TLL1: variants seen among roughly 807,000 people sequenced by gnomAD.
TLL1 encodes tolloid-like protein 1.
TLL1 carries 49 observed loss-of-function variants against 128.2 expected under a neutral mutation model. The ratio of observed to expected loss-of-function variants is 0.38; its 90% confidence interval spans 0.30 to 0.48. The LOEUF (loss-of-function observed/expected upper bound fraction) is 0.48. TLL1 is among the 20% of genes least tolerant of loss of function. The pLI is 0.96. For synonymous variants in TLL1, 454 were observed against 418.8 expected, an observed-to-expected ratio of 1.08 and a Z score of -1.03; for missense variants, 1,123 against 1,242.0, an observed-to-expected ratio of 0.90 and a Z score of 1.44.
intron 6 of TLL1, among the ~76,000 whole-genome samples, chr4:166,003,960 A>G (rs1306262916): frequency 2.0e-5 from 3 of 152,052 alleles, no homozygotes; most frequent in Non-Finnish European, 4.4e-5. Flanking sequence ...GGTTTGCCAT[A>G]ACACGTGCTG....
At chr4:165,897,994 G>A (rs186783264) in intron 1 of TLL1, among the ~76,000 whole-genome samples, 1 of 152,256 alleles carries the variant, frequency 6.6e-6, no homozygotes, top group Non-Finnish European at 1.5e-5. Flanking sequence ...TGTAGCAATT[G>A]TGAATGGGAG....
Position 166,077,987 on chromosome 4 carries a change from G to T in TLL1, c.2399G>T (p.Cys800Phe). 2 of 1,613,710 alleles carry T rather than the reference G, an allele frequency of 1.2e-6. No individual in the cohort carries two copies. Among genetic ancestry groups the T allele is most frequent in the Non-Finnish European group, 8.5e-7 (1 of 1,179,776 alleles). ...GACAAGTACCCAAGCAGGAAAGAAT[G>T]CACTTGGGAAATCAGCGCCACTCCT... ...WPDKYPSRKE[C>F]TWEISATPGH... The change falls in exon 18 of 21, where the codon TGC (cysteine) becomes TTC (phenylalanine). Residue 800 changes from cysteine (C) to phenylalanine (F), a missense_variant. By Grantham distance (205) the Cys-to-Phe change is radical. Coordinates refer to ENST00000061240, the MANE Select transcript of TLL1 (RefSeq NM_012464.5).
At chr4:165,934,441 C>T (rs982787967) in intron 1 of TLL1, among the ~76,000 whole-genome samples, 1 of 152,150 alleles carries the variant, frequency 6.6e-6, no homozygotes, top group Admixed American at 6.5e-5. Flanking sequence ...AAACTGACTA[C>T]ATTTATCCTG....
rs377042841 is a variant in TLL1 at position 165,992,817 on chromosome 4, C to A, written c.294C>A (p.Asp98Glu). Residue 98 changes from aspartate (D) to glutamate (E), a missense_variant, in exon 3 of 21, where the codon GAC becomes GAA. By Grantham distance (45) the Asp-to-Glu change is conservative. This residue lies in a region of TLL1 where 480 missense variants were observed against 542.4 expected (regional missense o/e 0.89). Coordinates refer to ENST00000061240, the MANE Select transcript of TLL1 (RefSeq NM_012464.5). ...NLGHTTGGLG[D>E]HAMSKKRGAL... is the part of the protein sequence containing the mutation. ...TTATTCTTTAAGGTGGACTTGGAGA[C>A]CATGCTATGTCAAAGAAGCGAGGGG... The A allele has an allele frequency of 1.9e-6, 3 of 1,613,066 alleles. No individual in the cohort carries two copies. Among genetic ancestry groups the A allele is most frequent in the African/African-American group, 2.7e-5 (2 of 74,870 alleles).
rs114484342 is a variant in TLL1 at position 166,076,785 on chromosome 4, A to G, written c.2315-1118A>G. Reference sequence around the variant, plus strand: ...TGTCTTGCTACCATAATCATAGATTATTAGACAGGAACTGAATTTTACCTT... The same window carrying G: ...TGTCTTGCTACCATAATCATAGATTGTTAGACAGGAACTGAATTTTACCTT... On this transcript the variant is annotated intron_variant, in intron 17 of 20. Transcript: ENST00000061240. Among the ~76,000 whole-genome samples, 337 of 152,320 alleles carry G rather than the reference A, an allele frequency of 2.2e-3. 2 individuals are homozygous for G. The highest frequency in any genetic ancestry group is 7.6e-3 in the African/African-American group (314 of 41,584).
At chr4:165,891,114 G>A (rs1731382705) in intron 1 of TLL1, among the ~76,000 whole-genome samples, 1 of 152,082 alleles carries the variant, frequency 6.6e-6, no homozygotes, top group Non-Finnish European at 1.5e-5. Context: ...CGGTTCAGAT[G>A]CAAGTCACTA....
chr4:165,928,991 AT>A (rs1433792179), intron 1 of TLL1, among the ~76,000 whole-genome samples: 1 of 152,184 alleles, frequency 6.6e-6, no homozygotes, highest in Non-Finnish European at 1.5e-5. Flanking sequence ...TGCTGATTTA[AT>A]TCACAAACTC....
intron 12 of TLL1, among the ~76,000 whole-genome samples, chr4:166,054,861 T>C (rs1739929253): frequency 6.6e-6 from 1 of 152,044 alleles, no homozygotes; most frequent in African/African-American, 2.4e-5. Flanking sequence ...TACTGTTTCA[T>C]AGTTATTTTT....
At chr4:166,099,128 G>A (rs911138480) in intron 19 of TLL1, 149 bp from the exon 20 acceptor site, 38 of 1,275,140 alleles carry the variant, frequency 3.0e-5, no homozygotes, top group South Asian at 2.3e-4. Flanking sequence ...GACACTATCT[G>A]ACTCTCCAGT....
chr4:165,906,796 C>A (rs931416770), intron 1 of TLL1, among the ~76,000 whole-genome samples: 45 of 146,564 alleles, frequency 3.1e-4, no homozygotes, highest in African/African-American at 1.0e-3. Flanking sequence ...GGATAGTAGA[C>A]TACAGATCCT....
chr4:166,038,895 CATA>C (rs1017885962), intron 9 of TLL1, among the ~76,000 whole-genome samples: 1 of 152,068 alleles, frequency 6.6e-6, no homozygotes, highest in African/African-American at 2.4e-5. Context: ...TTATTTTTAA[CATA>C]ATTATAGATG....
chr4:166,013,341 T>C (rs981378684), intron 7 of TLL1, among the ~76,000 whole-genome samples: 1 of 151,880 alleles, frequency 6.6e-6, no homozygotes, highest in Non-Finnish European at 1.5e-5. Context: ...GTTTGTTTTA[T>C]TTACTGCTAC....
chr4:166,052,965 G>GTGTATATATATATATATA lies in TLL1; in HGVS notation c.1525-2110_1525-2109insGTATATATATATATATAT. Among the ~76,000 whole-genome samples, 884 of 99,620 alleles carry GTGTATATATATATATATA rather than the reference G, an allele frequency of 8.9e-3. 111 individuals are homozygous for GTGTATATATATATATATA. The highest frequency in any genetic ancestry group is 0.024 in the Middle Eastern group (5 of 210). The allele number at this position is 99,620 out of a possible 152,430, so 65.4% of individuals were successfully genotyped here. On this transcript the variant is annotated intron_variant, in intron 12 of 20. Transcript: ENST00000061240. ...TAAAGACTGAGATAAGAGGTTATGT[G>GTGTATATATATATATATA]TATATATATATATATATTTGGCCAA...
At position 165,916,329 on chromosome 4, in the gene TLL1, A is replaced by G. The variant is rs140658614; in HGVS notation, c.169+42256A>G. ...AAAACACACTAATACAGTATTTTAT[A>G]TTTTGACAGGCGTTGGGTGCATGCA... On this transcript the variant is annotated intron_variant, in intron 1 of 20. Transcript: ENST00000061240. Among the ~76,000 whole-genome samples, 454 of 152,324 alleles carry G rather than the reference A, an allele frequency of 3.0e-3. 4 individuals are homozygous for G. The highest frequency in any genetic ancestry group is 0.01 in the African/African-American group (421 of 41,568).
At chr4:165,927,412 T>C (rs954086771) in intron 1 of TLL1, among the ~76,000 whole-genome samples, 1 of 152,200 alleles carries the variant, frequency 6.6e-6, no homozygotes, top group African/African-American at 2.4e-5. Context: ...GAAGTTTTAG[T>C]TAGTTTTTTT....
chr4:166,015,051 G>A (rs1312422995), intron 8 of TLL1, among the ~76,000 whole-genome samples: 3 of 151,934 alleles, frequency 2.0e-5, no homozygotes, highest in African/African-American at 7.2e-5. Flanking sequence ...CCGGTTGCAA[G>A]TGAACTACTC....
At chr4:166,039,212 T>C in intron 9 of TLL1, 127 bp from the exon 10 acceptor site, 1 of 688,476 alleles carries the variant, frequency 1.5e-6, no homozygotes. Context: ...ATAATTATAG[T>C]ATAGAAAAAC....
chr4:166,096,103 G>A (rs904056164), intron 19 of TLL1, among the ~76,000 whole-genome samples: 1 of 151,996 alleles, frequency 6.6e-6, no homozygotes, highest in Non-Finnish European at 1.5e-5. Flanking sequence ...TTATAGGTTG[G>A]TGCAACAGTA....
Position 166,051,316 on chromosome 4 carries a change from T to TTCCTTCCC in TLL1, c.1525-3753_1525-3752insCTCCTTCC, listed in dbSNP as rs1249290854. Reference sequence around the variant, plus strand: ...CTCCCTCCTTTCCTTCCTTCCTTCCTTCCTTCCTTCTTTCCTTCCTCTTTC... The same window carrying TTCCTTCCC: ...CTCCCTCCTTTCCTTCCTTCCTTCCTTCCTTCCCTCCTTCCTTCTTTCCTTCCTCTTTC... On this transcript the variant is annotated intron_variant, in intron 12 of 20. Transcript: ENST00000061240. Among the ~76,000 whole-genome samples, 120 of 140,216 alleles carry TTCCTTCCC rather than the reference T, an allele frequency of 8.6e-4. 1 individual carries two copies. Among genetic ancestry groups the TTCCTTCCC allele is most frequent in the African/African-American group, 3.1e-3 (119 of 38,774 alleles). The allele number at this position is 140,216 out of a possible 152,430, so 92.0% of individuals were successfully genotyped here. A position where few individuals can be genotyped will look rare whatever the true frequency, so the allele number is the denominator to read the frequency against.
Sources: gnomAD v4.1 joint callset for allele counts (sites outside exome capture counted in the v4.1 genomes callset) on GRCh38, gnomAD v4.1.1 for gene constraint, gnomAD v4.1.1 regional missense constraint, MANE v1.5 for transcripts, NCBI Gene and HGNC (gene_info 2026-07-23, HGNC 2026-07-21) for gene names.